The following P4HB variants were observed in gnomAD, a reference collection of about 807,000 sequenced individuals.
P4HB encodes the protein protein disulfide-isomerase.
P4HB carries 20 observed loss-of-function variants against 52.6 expected under a neutral mutation model. The observed-to-expected ratio is 0.38, with a 90% CI of 0.27 to 0.55. P4HB has a LOEUF of 0.55. Among genes scored for constraint, P4HB ranks in the 20% least tolerant of loss-of-function variants. The pLI is 0.74. For missense variants in P4HB, 601 were observed against 669.2 expected (o/e 0.90, Z 1.12); for synonymous variants, 296 against 277.9 (o/e 1.07, Z -0.65).
chr17:81,854,234 A>C (rs2038878921), intron 4 of P4HB, among the ~76,000 whole-genome samples: 1 of 152,198 alleles, frequency 6.6e-6, no homozygotes, highest in African/African-American at 2.4e-5. Context: ...AATGTAGTTA[A>C]TACTTTAGAA....
intron 2 of P4HB, 82 bp downstream of exon 2, chr17:81,859,099 C>A: frequency 7.5e-7 from 1 of 1,341,374 alleles, no homozygotes; most frequent in South Asian, 1.2e-5. Flanking sequence ...CTCCCCACCG[C>A]TCAGACAGCT....
Position 81,847,155 on chromosome 17 carries a change from G to A in P4HB, c.730-83C>T, listed in dbSNP as rs990741706. On this transcript the variant is annotated intron_variant, in intron 5 of 10. Transcript: ENST00000331483. ...CTCCCAATGGCCTCCAATGTCAGAC[G>A]CTGGACAGCAGTGGTGACCGGGAGC... 3.9e-5 allele frequency: 63 copies of A among 1,595,562 alleles called. No individual in the cohort carries two copies. The African/African-American group carries it at 4.8e-4, about 12-fold the overall frequency.
chr17:81,854,194 C>T (rs2038878502), intron 4 of P4HB, among the ~76,000 whole-genome samples: 1 of 152,240 alleles, frequency 6.6e-6, no homozygotes, highest in South Asian at 2.1e-4. Flanking sequence ...GGAAAACGTT[C>T]TGGAAATAGG....
intron 8 of P4HB, 28 bp from the exon 9 acceptor site, chr17:81,845,770 T>C: frequency 6.2e-7 from 1 of 1,612,678 alleles, no homozygotes; most frequent in Non-Finnish European, 8.5e-7. Flanking sequence ...CTAGGGTGTG[T>C]CCTGGACACA....
In P4HB at chr17:81,860,399, G is replaced by A; in HGVS notation, c.73C>T (p.His25Tyr). The A allele has an allele frequency of 1.4e-6, 2 of 1,458,752 alleles. No homozygotes were observed. The highest frequency in any genetic ancestry group is 9.1e-7 in the Non-Finnish European group (1 of 1,103,630). 90.4% of individuals were successfully genotyped at this position (1,458,752 alleles called of 1,614,324 possible). The change falls in exon 1 of 11, where the codon CAC becomes TAC. Residue 25 changes from histidine to tyrosine, a missense_variant. Coordinates refer to ENST00000331483, the MANE Select transcript of P4HB (RefSeq NM_000918.4). ...TTGCTTTTCCGCAGCACCAGGACGT[G>A]GTCCTCCTCCTCGGGGGCGTCGGCG... ...VRADAPEEED[H>Y]VLVLRKSNFA...
At position 81,855,159 on chromosome 17, in the gene P4HB, C is replaced by T; in HGVS notation, c.607G>A (p.Val203Ile). 2 of 1,614,094 alleles carry T rather than the reference C, an allele frequency of 1.2e-6. No individual in the cohort carries two copies. The highest frequency in any genetic ancestry group is 1.7e-6 in the Non-Finnish European group (2 of 1,179,996). ...CCACTCACCTTCTTAAAGAGGACAA[C>T]CCCATCTTTGTCGAGCTGGTATTTG... is the stretch of plus-strand genomic sequence containing the variant. ...FSKYQLDKDG[V>I]VLFKKFDEGR... The change falls in exon 4 of 11, where the codon GTT (valine) becomes ATT (isoleucine). Residue 203 changes from valine (V) to isoleucine (I), a missense_variant. By Grantham distance (29) the Val-to-Ile change is conservative. Transcript: ENST00000331483. This position sits in a 1 kb window ranked among gnomAD's most constrained non-coding sequence, Gnocchi z 4.3.
rs766831172 is a variant in P4HB, at chr17:81,855,590, AC to A, written c.353-5del. On this transcript the variant is annotated splice_region_variant and splice_polypyrimidine_tract_variant and intron_variant, in intron 2 of 10. Transcript: ENST00000331483. This position sits in a 1 kb window ranked among gnomAD's most constrained non-coding sequence, Gnocchi z 4.3. ...ATGTCATCAGCCTCTCTGCCAGCTA[AC>A]CCCAAACAAATGTAGGTTCTACTCT... is the stretch of plus-strand genomic sequence containing the variant. The A allele has an allele frequency of 6.2e-6, 10 of 1,611,856 alleles. No homozygotes were observed. The highest frequency in any genetic ancestry group is 8.5e-6 in the Non-Finnish European group (10 of 1,178,966).
At position 81,846,136 on chromosome 17, in the gene P4HB, T is replaced by A; in HGVS notation, c.1057-145A>T. 1 of 1,136,640 alleles carries A rather than the reference T, an allele frequency of 8.8e-7. No individual in the cohort carries two copies. Among genetic ancestry groups the A allele is most frequent in the Non-Finnish European group, 1.2e-6 (1 of 827,162 alleles). 70.4% of individuals were successfully genotyped at this position (1,136,640 alleles called of 1,614,324 possible). The stretch of plus-strand genomic sequence containing the variant: ...CCGCAGACACCAACAGTGCCAAGAA[T>A]CCAGAAAGAGAAGGCTGGGCCAGTG... On this transcript the variant is annotated intron_variant, in intron 7 of 10. Coordinates refer to ENST00000331483, the MANE Select transcript of P4HB (RefSeq NM_000918.4). This position sits in a 1 kb window ranked among gnomAD's most constrained non-coding sequence, Gnocchi z 5.7.
chr17:81,855,181 T>C lies in P4HB; in HGVS notation c.585A>G (p.Lys195=). ...CAACCCCATCTTTGTCGAGCTGGTA[T>C]TTGGAGAACACGTCACTGTTGGAAG... The part of the protein sequence containing the change: ...GITSNSDVFS[K]YQLDKDGVVL... Residue 195 remains lysine (K), a synonymous_variant, in exon 4 of 11, where the codon AAA becomes AAG. Transcript: ENST00000331483. The surrounding 1 kb of genome is among the most constrained non-coding windows in gnomAD (Gnocchi z 4.3). The C allele has an allele frequency of 6.2e-7, 1 of 1,614,132 alleles. No individual in the cohort carries two copies. Among genetic ancestry groups the C allele is most frequent in the Non-Finnish European group, 8.5e-7 (1 of 1,180,020 alleles).
Position 81,855,050 on chromosome 17 carries a change from A to G in P4HB, c.624+92T>C. On this transcript the variant is annotated intron_variant, in intron 4 of 10. Coordinates refer to ENST00000331483, the MANE Select transcript of P4HB (RefSeq NM_000918.4). The surrounding 1 kb of genome is among the most constrained non-coding windows in gnomAD (Gnocchi z 4.3). ...TACCTATTGGGCCAAAGGTGCCAGG[A>G]GCAAGGTTCCCTTAACGATAAGGAG... is the stretch of plus-strand genomic sequence containing the variant. 1 of 1,300,806 alleles carries G rather than the reference A, an allele frequency of 7.7e-7. No homozygotes were observed. Among genetic ancestry groups the G allele is most frequent in the Non-Finnish European group, 1.1e-6 (1 of 906,276 alleles). The allele number at this position is 1,300,806 out of a possible 1,614,324, so 80.6% of individuals were successfully genotyped here. A position where few individuals can be genotyped will look rare whatever the true frequency, so the allele number is the denominator to read the frequency against.
rs1045666174 is a variant in P4HB, at chr17:81,859,275, C to T, written c.258G>A (p.Glu86=). The T allele has an allele frequency of 6.2e-7, 1 of 1,613,940 alleles. No homozygotes were observed. Among genetic ancestry groups the T allele is most frequent in the African/African-American group, 1.3e-5 (1 of 74,936 alleles). ...EIRLAKVDAT[E]ESDLAQQYGV... is the part of the protein sequence containing the mutation. ...CGTACTGCTGGGCCAGGTCAGACTCCTCCGTGGCGTCCACCTTGGCCAACC... is the reference window on the plus strand; with the variant it reads ...CGTACTGCTGGGCCAGGTCAGACTCTTCCGTGGCGTCCACCTTGGCCAACC... The change falls in exon 2 of 11, where the codon GAG becomes GAA. Residue 86 remains glutamate, a synonymous_variant. Transcript: ENST00000331483.
rs751825914 is a variant in P4HB at position 81,847,353 on chromosome 17, G to A, written c.625-6C>T. On this transcript the variant is annotated splice_region_variant and splice_polypyrimidine_tract_variant and intron_variant, in intron 4 of 10. Coordinates refer to ENST00000331483, the MANE Select transcript of P4HB (RefSeq NM_000918.4). ...TTGTTCCGGCCTTCATCAAACTGTG[G>A]ACAGAAAGAGGGCCCTGACTGAGCA... The A allele has an allele frequency of 1.2e-6, 2 of 1,609,076 alleles. No homozygotes were observed. The highest frequency in any genetic ancestry group is 3.3e-5 in the Admixed American group (2 of 59,994).
In P4HB at chr17:81,843,303, T is replaced by C. The variant is rs961745785; in HGVS notation, c.*709A>G. 7 of 394,402 alleles carry C rather than the reference T, an allele frequency of 1.8e-5. No homozygotes were observed. Among genetic ancestry groups the C allele is most frequent in the Non-Finnish European group, 2.7e-5 (6 of 223,966 alleles). 24.4% of individuals were successfully genotyped at this position (394,402 alleles called of 1,614,324 possible). A position where few individuals can be genotyped will look rare whatever the true frequency, so the allele number is the denominator to read the frequency against. ...GGGAGTCAAGGGTCGTGGTTCTGCC[T>C]TGAACAGGCCACAGGCCGTGCTGTA... On this transcript the variant is annotated 3_prime_UTR_variant, in exon 11 of 11. Coordinates refer to ENST00000331483, the MANE Select transcript of P4HB (RefSeq NM_000918.4).
intron 1 of P4HB, 174 bp from the exon 2 acceptor site, chr17:81,859,561 A>T: frequency 1.6e-6 from 1 of 621,382 alleles, no homozygotes; most frequent in Non-Finnish European, 2.8e-6. Flanking sequence ...GTTCTTGGGC[A>T]ATATCAGGAC....
rs1567842898 is a variant in P4HB, at chr17:81,859,326, CT to C, written c.206del (p.Lys69SerfsTer2). 11 of 1,613,964 alleles carry C rather than the reference CT, an allele frequency of 6.8e-6. No homozygotes were observed. Among genetic ancestry groups the C allele is most frequent in the Non-Finnish European group, 8.5e-6 (10 of 1,180,030 alleles). On this transcript the variant is annotated frameshift_variant, in exon 2 of 11. Coordinates refer to ENST00000331483, the MANE Select transcript of P4HB (RefSeq NM_000918.4). LOFTEE classifies it high-confidence loss of function. The stretch of plus-strand genomic sequence containing the variant: ...TGATCTCGGAACCTTCTGCCTTCAG[CT>C]TCCCAGCGGCTTTGGCATACTCAGG... ...LAPEYAKAAG[K>X]LKAEGSEIRL...
At position 81,860,526 on chromosome 17, in the gene P4HB, C is replaced by T. The variant is rs1232663584; in HGVS notation, c.-55G>A. The T allele has an allele frequency of 4.1e-6, 5 of 1,228,548 alleles. No homozygotes were observed. Among genetic ancestry groups the T allele is most frequent in the Non-Finnish European group, 5.1e-6 (5 of 983,956 alleles). 76.1% of individuals were successfully genotyped at this position (1,228,548 alleles called of 1,614,324 possible). A position where few individuals can be genotyped will look rare whatever the true frequency, so the allele number is the denominator to read the frequency against. On this transcript the variant is annotated 5_prime_UTR_variant, in exon 1 of 11. Transcript: ENST00000331483. Reference sequence around the variant, plus strand: ...GTTGGCGCCGCCGGGACAGCGGGGGCGACGAGAGCGCGCGCCGGTCCCGGC... The same window carrying T: ...GTTGGCGCCGCCGGGACAGCGGGGGTGACGAGAGCGCGCGCCGGTCCCGGC...
In P4HB at chr17:81,843,962, G is replaced by A. The variant is rs2038691735; in HGVS notation, c.*50C>T. The A allele has an allele frequency of 5.3e-6, 7 of 1,327,284 alleles. No individual in the cohort carries two copies. The highest frequency in any genetic ancestry group is 7.6e-6 in the Non-Finnish European group (7 of 919,342). The allele number at this position is 1,327,284 out of a possible 1,614,324, so 82.2% of individuals were successfully genotyped here. On this transcript the variant is annotated 3_prime_UTR_variant, in exon 11 of 11. Coordinates refer to ENST00000331483, the MANE Select transcript of P4HB (RefSeq NM_000918.4). ...CTTCGGAGGCGTGCGCTGCTGCTGGGTGTGCAGCCCCCGAGGGGTCTCGGC... is the reference window on the plus strand; with the variant it reads ...CTTCGGAGGCGTGCGCTGCTGCTGGATGTGCAGCCCCCGAGGGGTCTCGGC...
intron 2 of P4HB, chr17:81,856,006 G>T: frequency 6.0e-6 from 1 of 167,746 alleles, no homozygotes; most frequent in Non-Finnish European, 1.3e-5. Context: ...AGTATCTGGG[G>T]TACAGATGCA....
intron 2 of P4HB, among the ~76,000 whole-genome samples, chr17:81,858,257 CAAAAAAAAAAA>C (rs901002093): frequency 9.8e-4 from 38 of 38,794 alleles, no homozygotes; most frequent in Non-Finnish European, 6.9e-4. Flanking sequence ...GAGACTGTCT[CAAAAAAAAAAA>C]AAAAAAAAAA....
Sources: allele counts gnomAD v4.1 joint callset (sites outside exome capture counted in the v4.1 genomes callset), GRCh38; gene constraint gnomAD v4.1.1; non-coding constraint Gnocchi (gnomAD v3.1); transcripts MANE v1.5; gene names NCBI Gene and HGNC (gene_info 2026-07-23, HGNC 2026-07-21).